Variants in AKR1C3 observed in about 807,000 individuals in gnomAD.
AKR1C3 encodes the protein aldo-keto reductase family 1 member C3.
AKR1C3 carries 48 observed loss-of-function variants against 43.6 expected under a neutral mutation model. The ratio of observed to expected loss-of-function variants is 1.10; its 90% CI spans 0.87 to 1.40. AKR1C3 has a LOEUF of 1.40. Among genes scored for constraint, AKR1C3 ranks in the 40% most tolerant of loss-of-function variants. AKR1C3 has a pLI of 0.00. For synonymous variants in AKR1C3, 162 were observed against 139.6 expected, an observed-to-expected ratio of 1.16 and a Z score of -1.13; for missense variants, 482 against 391.2, an observed-to-expected ratio of 1.23 and a Z score of -1.96.
chr10:5,071,634 A>G (rs369324505), intron 1 of AKR1C3, among the ~76,000 whole-genome samples: 25 of 152,294 alleles, frequency 1.6e-4, no homozygotes, highest in African/African-American at 5.3e-4. Flanking sequence ...AGGCTACATC[A>G]ATAGATAACC....
intron 1 of AKR1C3, among the ~76,000 whole-genome samples, chr10:5,049,599 GACTTTAT>G (rs566970631): frequency 1.2e-3 from 184 of 152,258 alleles, no homozygotes; most frequent in Non-Finnish European, 2.4e-3. Context: ...GCAAAATGGA[GACTTTAT>G]TTTATAGACT....
chr10:5,105,940 G>A (rs34335319), intron 8 of AKR1C3, among the ~76,000 whole-genome samples: 19 of 152,164 alleles, frequency 1.2e-4, no homozygotes, highest in African/African-American at 4.6e-4. Flanking sequence ...AAGTCTGCAC[G>A]TTCCATATAG....
intron 1 of AKR1C3, among the ~76,000 whole-genome samples, chr10:5,054,382 A>G (rs1838216506): frequency 6.6e-6 from 1 of 152,126 alleles, no homozygotes; most frequent in South Asian, 2.1e-4. Flanking sequence ...TATTAGTTGT[A>G]TGGCTCTGCA....
intron 1 of AKR1C3, among the ~76,000 whole-genome samples, chr10:5,076,565 C>T (rs1352308096): frequency 1.3e-5 from 2 of 152,138 alleles, no homozygotes; most frequent in African/African-American, 4.8e-5. Flanking sequence ...CTTGATCCGG[C>T]TTCATCTACA....
upstream of AKR1C3, among the ~76,000 whole-genome samples, chr10:5,092,139 A>T (rs2131831421): frequency 6.6e-6 from 1 of 152,260 alleles, no homozygotes; most frequent in Middle Eastern, 3.4e-3. Context: ...GTCTAATCAA[A>T]AATCTGTTGA....
intron 1 of AKR1C3, among the ~76,000 whole-genome samples, chr10:5,051,988 G>T (rs1554778981): frequency 5.3e-5 from 8 of 152,180 alleles, no homozygotes. Flanking sequence ...GGTGTGTCTG[G>T]AATTGGTGGG....
chr10:5,051,713 G>A (rs1001996983), intron 1 of AKR1C3, among the ~76,000 whole-genome samples: 9 of 152,204 alleles, frequency 5.9e-5, no homozygotes, highest in African/African-American at 2.2e-4. Context: ...GGCCCTGTGT[G>A]TAGATGGTGA....
intron 1 of AKR1C3, chr10:5,096,098 T>A (rs1839201187): frequency 4.5e-6 from 1 of 220,710 alleles, no homozygotes; most frequent in Non-Finnish European, 9.0e-6. Context: ...TTACCATGTA[T>A]AATATCACTA....
rs587768185 is a variant in AKR1C3 at position 5,106,432 on chromosome 10, G to A, written c.929+755G>A. Reference sequence around the variant, plus strand: ...GTCTAAGGTTCTAGGATTCATAGACGGTCATTCATGTAAATGCAGGAAAAG... The same window carrying A: ...GTCTAAGGTTCTAGGATTCATAGACAGTCATTCATGTAAATGCAGGAAAAG... On this transcript the variant is annotated intron_variant, in intron 8 of 8. Transcript: ENST00000380554. 6.6e-5 allele frequency among the ~76,000 whole-genome samples: 10 copies of A among 152,184 alleles called. No homozygotes were observed. In the South Asian group the frequency reaches 1.5e-3, roughly 22 times the overall value.
chr10:5,096,620 T>C, intron 2 of AKR1C3, 43 bp downstream of exon 2: 2 of 1,580,736 alleles, frequency 1.3e-6, no homozygotes, highest in Non-Finnish European at 1.7e-6. Flanking sequence ...GTATTTATTG[T>C]GATTGTGTGG....
intron 7 of AKR1C3, among the ~76,000 whole-genome samples, chr10:5,103,561 G>A (rs373653708): frequency 6.6e-6 from 1 of 152,124 alleles, no homozygotes; most frequent in African/African-American, 2.4e-5. Context: ...GCAGGACAAC[G>A]AGATAGCTCT....
chr10:5,076,484 C>T (rs1838717279), intron 1 of AKR1C3, among the ~76,000 whole-genome samples: 1 of 152,018 alleles, frequency 6.6e-6, no homozygotes, highest in Non-Finnish European at 1.5e-5. Flanking sequence ...TCAGGTATTC[C>T]ATTATATTAG....
chr10:5,100,607 TAATTTAC>T (rs1428315702), intron 5 of AKR1C3, among the ~76,000 whole-genome samples: 1 of 152,238 alleles, frequency 6.6e-6, no homozygotes, highest in African/African-American at 2.4e-5. Flanking sequence ...ACCTTTTTGC[TAATTTAC>T]ACTTTTTTAT....
At position 5,103,578 on chromosome 10, in the gene AKR1C3, A is replaced by G. The variant is rs140041217; in HGVS notation, c.846+928A>G. Among the ~76,000 whole-genome samples, 3 of 152,278 alleles carry G rather than the reference A, an allele frequency of 2.0e-5. No individual in the cohort carries two copies. In the East Asian group the frequency reaches 5.8e-4, roughly 29 times the overall value. The stretch of plus-strand genomic sequence containing the variant: ...AGGACAACGAGATAGCTCTGCTTCA[A>G]GATGTCAATGGGACATTTGTCTGGG... On this transcript the variant is annotated intron_variant, in intron 7 of 8. Coordinates refer to ENST00000380554, the MANE Select transcript of AKR1C3 (RefSeq NM_003739.6).
intron 1 of AKR1C3, among the ~76,000 whole-genome samples, chr10:5,064,684 GC>G (rs2131792758): frequency 6.6e-6 from 1 of 151,958 alleles, no homozygotes; most frequent in South Asian, 2.1e-4. Context: ...AAAATAACAA[GC>G]AAAAAGAACA....
At chr10:5,053,195 G>A (rs1193281266) in intron 1 of AKR1C3, among the ~76,000 whole-genome samples, 1 of 152,228 alleles carries the variant, frequency 6.6e-6, no homozygotes, top group Non-Finnish European at 1.5e-5. Flanking sequence ...GTGGAGCAGG[G>A]GGCAGCGCTC....
intron 1 of AKR1C3, among the ~76,000 whole-genome samples, chr10:5,078,197 G>T (rs1838755449): frequency 6.6e-6 from 1 of 152,224 alleles, no homozygotes; most frequent in South Asian, 2.1e-4. Flanking sequence ...GCTGATGCGG[G>T]TGGATCACTT....
Position 5,102,249 on chromosome 10 carries a change from T to C in AKR1C3, c.680+39T>C, listed in dbSNP as rs782586257. 13 of 1,596,152 alleles carry C rather than the reference T, an allele frequency of 8.1e-6. No homozygotes were observed. The South Asian group carries it at 1.2e-4, about 15-fold the overall frequency. The stretch of plus-strand genomic sequence containing the variant: ...TGGGACCTTTACATAAACCTTCATT[T>C]TGCAGAAAATTTTTTAGTCAGAGCA... On this transcript the variant is annotated intron_variant, in intron 6 of 8. Coordinates refer to ENST00000380554, the MANE Select transcript of AKR1C3 (RefSeq NM_003739.6).
Position 5,098,039 on chromosome 10 carries a change from C to A in AKR1C3, c.369+489C>A. ...GCAAAGCTTTATTATTCTGCTGCCT[C>A]TTCTTTCACAATAGAGTTTGAAGCT... is the stretch of plus-strand genomic sequence containing the variant. On this transcript the variant is annotated intron_variant, in intron 3 of 8. Transcript: ENST00000380554. The A allele has an allele frequency of 4.0e-6, 4 of 999,520 alleles. No homozygotes were observed. In the South Asian group the frequency reaches 1.8e-4, roughly 45 times the overall value. The allele number at this position is 999,520 out of a possible 1,614,324, so 61.9% of individuals were successfully genotyped here.
Sources: gnomAD v4.1 joint callset for allele counts (sites outside exome capture counted in the v4.1 genomes callset) on GRCh38, gnomAD v4.1.1 for gene constraint, MANE v1.5 for transcripts, NCBI Gene and HGNC (gene_info 2026-07-23, HGNC 2026-07-21) for gene names.